The following CPQ variants were observed in gnomAD, a reference collection of about 807,000 sequenced individuals.
CPQ encodes Ser-Met dipeptidase.
CPQ carries 37 observed loss-of-function variants against 45.7 expected under a neutral mutation model. That is an observed-to-expected ratio of 0.81 (90% CI 0.62 to 1.07). The LOEUF is 1.07. Among genes scored for constraint, CPQ ranks in the 50% least tolerant of loss-of-function variants. The pLI, the probability that CPQ is intolerant of heterozygous loss-of-function variation, is 0.00. For synonymous variants in CPQ, 186 were observed against 205.8 expected (o/e 0.90, Z 0.82); for missense variants, 537 against 572.9 (o/e 0.94, Z 0.64).
chr8:97,140,015 A>C (rs1445783014), intron 7 of CPQ, among the ~76,000 whole-genome samples: 1 of 151,798 alleles, frequency 6.6e-6, no homozygotes, highest in Non-Finnish European at 1.5e-5. Context: ...CAAGATTTAA[A>C]AAAAAAACAG....
intron 5 of CPQ, among the ~76,000 whole-genome samples, chr8:97,009,789 G>T (rs1031657985): frequency 4.6e-5 from 7 of 152,164 alleles, no homozygotes; most frequent in African/African-American, 1.7e-4. Flanking sequence ...TTTATCCGAG[G>T]TCTGTGCATA....
intron 7 of CPQ, among the ~76,000 whole-genome samples, chr8:97,110,425 T>A (rs928318875): frequency 6.6e-6 from 1 of 152,240 alleles, no homozygotes; most frequent in Non-Finnish European, 1.5e-5. Flanking sequence ...AGAGCTACTA[T>A]GTACGTACTT....
intron 4 of CPQ, among the ~76,000 whole-genome samples, chr8:96,899,708 T>A (rs1270774121): frequency 6.6e-6 from 1 of 152,160 alleles, no homozygotes; most frequent in African/African-American, 2.4e-5. Flanking sequence ...TCTTCCCCCA[T>A]GATCCAAACA....
intron 1 of CPQ, among the ~76,000 whole-genome samples, chr8:96,652,003 CTT>C (rs1227829444): frequency 1.3e-5 from 2 of 152,178 alleles, no homozygotes; most frequent in East Asian, 1.9e-4. Context: ...AATTTGCTCT[CTT>C]AGCAATTTTG....
chr8:96,674,250 G>A (rs530792006), intron 1 of CPQ, among the ~76,000 whole-genome samples: 1 of 152,256 alleles, frequency 6.6e-6, no homozygotes, highest in South Asian at 2.1e-4. Context: ...ACTGAGATGC[G>A]TGTATTTCCT....
At chr8:97,137,786 G>T (rs1435752790) in intron 7 of CPQ, among the ~76,000 whole-genome samples, 1 of 151,980 alleles carries the variant, frequency 6.6e-6, no homozygotes, top group Non-Finnish European at 1.5e-5. Context: ...AAAATTAGCT[G>T]GGCGTGGTGG....
chr8:96,962,424 T>A (rs1038776964), intron 4 of CPQ, among the ~76,000 whole-genome samples: 1 of 152,236 alleles, frequency 6.6e-6, no homozygotes, highest in Non-Finnish European at 1.5e-5. Context: ...CCCACTTCTC[T>A]GTTGATTCTA....
In CPQ at chr8:96,833,437, G is replaced by A. The variant is rs1229074665; in HGVS notation, c.434-1536G>A. ...GCTTCATTTCTAGTGGCTCCAATCC[G>A]GATGCCAAAATTGCCCTATTGTTGC... On this transcript the variant is annotated intron_variant, in intron 2 of 7. Transcript: ENST00000220763. 3.9e-5 allele frequency among the ~76,000 whole-genome samples: 6 copies of A among 152,082 alleles called. No homozygotes were observed. The South Asian group carries it at 8.3e-4, about 21-fold the overall frequency.
chr8:97,064,458 A>C (rs989111077), intron 6 of CPQ, among the ~76,000 whole-genome samples: 1 of 152,174 alleles, frequency 6.6e-6, no homozygotes, highest in Non-Finnish European at 1.5e-5. Context: ...CCTCAGCTGA[A>C]AGCTGAGGTG....
At chr8:96,764,320 T>C (rs1408094954) in intron 1 of CPQ, among the ~76,000 whole-genome samples, 1 of 152,106 alleles carries the variant, frequency 6.6e-6, no homozygotes, top group African/African-American at 2.4e-5. Context: ...CTCTAAAACA[T>C]GCAAACTAAT....
intron 7 of CPQ, among the ~76,000 whole-genome samples, chr8:97,089,505 A>G (rs1032434818): frequency 7.9e-5 from 12 of 152,104 alleles, no homozygotes; most frequent in African/African-American, 2.2e-4. Flanking sequence ...TTCATTTTCT[A>G]TTAGTACAGG....
At chr8:96,874,311 T>C (rs779453121) in intron 3 of CPQ, among the ~76,000 whole-genome samples, 2 of 151,798 alleles carry the variant, frequency 1.3e-5, no homozygotes, top group Non-Finnish European at 3.0e-5. Flanking sequence ...ATAGAAGTTC[T>C]ATTTGGGATA....
chr8:97,047,726 A>G lies in CPQ; in HGVS notation c.1053+18232A>G, dbSNP rs528648173. ...GCATTTTCTAGGTAAAGTTTTAGCT[A>G]AACAATACAGAAAAATTAAAAAGTT... On this transcript the variant is annotated intron_variant, in intron 6 of 7. Transcript: ENST00000220763. 3.9e-5 allele frequency among the ~76,000 whole-genome samples: 6 copies of G among 152,336 alleles called. No individual in the cohort carries two copies. In the East Asian group the frequency reaches 1.2e-3, roughly 29 times the overall value.
intron 4 of CPQ, among the ~76,000 whole-genome samples, chr8:96,946,133 G>T (rs1813184535): frequency 6.6e-6 from 1 of 151,658 alleles, no homozygotes; most frequent in South Asian, 2.1e-4. Context: ...AGCTCCTCTT[G>T]CATTTGATTT....
At chr8:96,646,508 G>A (rs1474250858) in intron 1 of CPQ, among the ~76,000 whole-genome samples, 1 of 152,116 alleles carries the variant, frequency 6.6e-6, no homozygotes, top group Non-Finnish European at 1.5e-5. Context: ...TGGCTGATTT[G>A]CAGGTGACTG....
intron 1 of CPQ, among the ~76,000 whole-genome samples, chr8:96,745,330 A>G (rs1359361057): frequency 6.6e-6 from 1 of 152,092 alleles, no homozygotes; most frequent in East Asian, 1.9e-4. Context: ...GTATACGGGA[A>G]CTGGAGATGG....
intron 4 of CPQ, among the ~76,000 whole-genome samples, chr8:96,897,217 C>A (rs1300293829): frequency 6.6e-6 from 1 of 152,156 alleles, no homozygotes; most frequent in Non-Finnish European, 1.5e-5. Flanking sequence ...AAAAACGTAG[C>A]AGATTAACTA....
intron 7 of CPQ, 38 bp from the exon 8 acceptor site, chr8:97,142,982 A>G: frequency 1.9e-6 from 3 of 1,606,582 alleles, no homozygotes; most frequent in Middle Eastern, 3.3e-4. Context: ...GTGTCTGTCA[A>G]AATACTCCAC....
At chr8:96,836,611 A>T (rs192347938) in intron 3 of CPQ, among the ~76,000 whole-genome samples, 2 of 152,308 alleles carry the variant, frequency 1.3e-5, no homozygotes, top group Non-Finnish European at 2.9e-5. Flanking sequence ...TTGGAATAAC[A>T]TATTCAGCAA....
Sources: gnomAD v4.1 joint callset for allele counts (sites outside exome capture counted in the v4.1 genomes callset) on GRCh38, gnomAD v4.1.1 for gene constraint, MANE v1.5 for transcripts, NCBI Gene and HGNC (gene_info 2026-07-23, HGNC 2026-07-21) for gene names.